Variants in PDGFD observed in about 807,000 individuals in gnomAD.
PDGFD encodes platelet derived growth factor D.
Under a neutral mutation model 44.7 loss-of-function variants are expected in PDGFD, and 30 were observed. That is an observed-to-expected ratio of 0.67 (90% CI 0.50 to 0.91). PDGFD has a LOEUF of 0.91. PDGFD is among the 40% of genes least tolerant of loss of function. The pLI is 0.00. For missense variants in PDGFD, 445 were observed against 457.8 expected, an observed-to-expected ratio of 0.97 and a Z score of 0.25; for synonymous variants, 173 against 168.4, an observed-to-expected ratio of 1.03 and a Z score of -0.21.
At chr11:103,924,034 G>A (rs1237656097) in intron 6 of PDGFD, among the ~76,000 whole-genome samples, 1 of 152,142 alleles carries the variant, frequency 6.6e-6, no homozygotes, top group Non-Finnish European at 1.5e-5. Context: ...ATTGTGTAGA[G>A]AGATAAGAAA....
At chr11:104,119,146 T>TAC (rs1429663626) in intron 1 of PDGFD, among the ~76,000 whole-genome samples, 31 of 41,004 alleles carry the variant, frequency 7.6e-4, no homozygotes, top group Admixed American at 1.2e-3. Context: ...AATATATTAA[T>TAC]ATAATATATT....
At position 104,024,901 on chromosome 11, in the gene PDGFD, G is replaced by A. The variant is rs187083533; in HGVS notation, c.125-24646C>T. 5.3e-5 allele frequency among the ~76,000 whole-genome samples: 8 copies of A among 152,310 alleles called. No homozygotes were observed. The East Asian group carries it at 1.5e-3, about 29-fold the overall frequency. On this transcript the variant is annotated intron_variant, in intron 1 of 6. Transcript: ENST00000393158. The stretch of plus-strand genomic sequence containing the variant: ...AAGTTGTGGGAAGAATATGAAGCAT[G>A]TCCTCCCAAGCTATATTGCTCAATT...
chr11:104,114,035 G>C (rs1394068743), intron 1 of PDGFD, among the ~76,000 whole-genome samples: 1 of 152,024 alleles, frequency 6.6e-6, no homozygotes, highest in Non-Finnish European at 1.5e-5. Context: ...TCTTCTCCCA[G>C]TGTGTGATTT....
At chr11:104,087,828 G>A (rs66580623) in intron 1 of PDGFD, among the ~76,000 whole-genome samples, 34,256 of 152,124 alleles carry the variant, frequency 0.23, 4,253 homozygotes, top group Non-Finnish European at 0.28. Context: ...AAAAGGCCTA[G>A]AGCATTTTCA....
intron 1 of PDGFD, among the ~76,000 whole-genome samples, chr11:104,108,870 T>C (rs1220282461): frequency 7.9e-5 from 12 of 152,056 alleles, no homozygotes; most frequent in Admixed American, 7.9e-4. Context: ...ACTATGCAGC[T>C]ATAAGAAAGG....
At chr11:104,121,603 CCA>C (rs1861779611) in intron 1 of PDGFD, among the ~76,000 whole-genome samples, 1 of 151,936 alleles carries the variant, frequency 6.6e-6, no homozygotes, top group African/African-American at 2.4e-5. Context: ...AATACAAGTT[CCA>C]GTTTTTAATT....
intron 1 of PDGFD, among the ~76,000 whole-genome samples, chr11:104,052,824 T>C (rs1222240203): frequency 6.6e-6 from 1 of 152,124 alleles, no homozygotes; most frequent in Non-Finnish European, 1.5e-5. Context: ...CAGAGAAGAT[T>C]TTCCTTCTTC....
intron 1 of PDGFD, among the ~76,000 whole-genome samples, chr11:104,116,874 CT>C (rs1861648960): frequency 6.6e-6 from 1 of 152,098 alleles, no homozygotes; most frequent in East Asian, 1.9e-4. Flanking sequence ...CTCATTTTCT[CT>C]TGCTGCTGCC....
intron 1 of PDGFD, among the ~76,000 whole-genome samples, chr11:104,095,810 G>C (rs1318690193): frequency 3.9e-5 from 6 of 152,114 alleles, no homozygotes; most frequent in Non-Finnish European, 8.8e-5. Context: ...TCCTGAGAAG[G>C]ATGCATCCTA....
At chr11:104,113,653 G>A (rs1252307946) in intron 1 of PDGFD, among the ~76,000 whole-genome samples, 1 of 151,410 alleles carries the variant, frequency 6.6e-6, no homozygotes, top group Non-Finnish European at 1.5e-5. Flanking sequence ...GAGCAGGACT[G>A]CTAGATCATA....
rs1861698852 is a variant in PDGFD, at chr11:104,119,049, T to TAATATAATATAATATATC, written c.124+44754_124+44755insGATATATTATATTATATT. On this transcript the variant is annotated intron_variant, in intron 1 of 6. Coordinates refer to ENST00000393158, the MANE Select transcript of PDGFD (RefSeq NM_025208.5). Reference sequence around the variant, plus strand: ...TATATCGATATAATATATAATATATTGATATATTAATATAATATATTGGTA... The same window carrying TAATATAATATAATATATC: ...TATATCGATATAATATATAATATATTAATATAATATAATATATCGATATATTAATATAATATATTGGTA... Among the ~76,000 whole-genome samples, 2 of 720 alleles carry TAATATAATATAATATATC rather than the reference T, an allele frequency of 2.8e-3. 1 individual carries two copies. The highest frequency in any genetic ancestry group is 5.0e-3 in the Non-Finnish European group (2 of 402). 0.5% of individuals were successfully genotyped at this position (720 alleles called of 152,430 possible). A position where few individuals can be genotyped will look rare whatever the true frequency, so the allele number is the denominator to read the frequency against.
At chr11:103,933,756 T>C (rs1221939419) in intron 5 of PDGFD, among the ~76,000 whole-genome samples, 1 of 152,206 alleles carries the variant, frequency 6.6e-6, no homozygotes, top group Non-Finnish European at 1.5e-5. Context: ...TCCCATTGGA[T>C]GGATGTAGAA....
intron 1 of PDGFD, among the ~76,000 whole-genome samples, chr11:104,033,011 G>C (rs1860153046): frequency 6.6e-6 from 1 of 151,628 alleles, no homozygotes. Flanking sequence ...CAGACTACAT[G>C]ATAGGGATTT....
intron 2 of PDGFD, 43 bp from the exon 3 acceptor site, chr11:103,996,288 G>A: frequency 6.6e-7 from 1 of 1,503,894 alleles, no homozygotes; most frequent in South Asian, 1.2e-5. Context: ...GATTAAAGTA[G>A]ATTTTGAAAT....
chr11:104,095,212 G>C (rs1861266640), intron 1 of PDGFD, among the ~76,000 whole-genome samples: 3 of 151,674 alleles, frequency 2.0e-5, no homozygotes, highest in Admixed American at 2.0e-4. Context: ...TTATTTGTTT[G>C]TTTGTTTGTT....
intron 1 of PDGFD, among the ~76,000 whole-genome samples, chr11:104,124,788 C>T (rs982638740): frequency 1.3e-5 from 2 of 152,012 alleles, no homozygotes; most frequent in African/African-American, 4.8e-5. Context: ...ATGCAGGCTT[C>T]CCTGTTCACA....
At chr11:104,038,072 T>C in intron 1 of PDGFD, 1 of 1,489,780 alleles carries the variant, frequency 6.7e-7, no homozygotes, top group Non-Finnish European at 9.1e-7. Flanking sequence ...CAATTATAAG[T>C]TAAGAGCTTA....
intron 1 of PDGFD, among the ~76,000 whole-genome samples, chr11:104,008,119 G>A (rs1859731483): frequency 6.6e-6 from 1 of 152,102 alleles, no homozygotes; most frequent in Non-Finnish European, 1.5e-5. Flanking sequence ...ACAAACAGCA[G>A]CATTATTCAC....
At chr11:104,026,197 C>T (rs1860040239) in intron 1 of PDGFD, among the ~76,000 whole-genome samples, 1 of 152,194 alleles carries the variant, frequency 6.6e-6, no homozygotes, top group Non-Finnish European at 1.5e-5. Context: ...TCATTCTTCT[C>T]AGACTATGCT....
Sources: gnomAD v4.1 joint callset for allele counts (sites outside exome capture counted in the v4.1 genomes callset) on GRCh38, gnomAD v4.1.1 for gene constraint, MANE v1.5 for transcripts, NCBI Gene and HGNC (gene_info 2026-07-23, HGNC 2026-07-21) for gene names.